Variants in CHMP4B observed in about 807,000 individuals in gnomAD.
CHMP4B encodes SNF7 homolog associated with Alix 1.
CHMP4B carries 1 observed loss-of-function variant against 25.1 expected under a neutral mutation model. The ratio of observed to expected loss-of-function variants is 0.04; its 90% CI spans 0.01 to 0.19. The LOEUF is 0.19. Ranked by LOEUF, CHMP4B falls within the 10% of genes least tolerant of loss-of-function variation. The pLI is 1.00. For missense variants in CHMP4B, 151 were observed against 289.7 expected, an observed-to-expected ratio of 0.52 and a Z score of 3.48; for synonymous variants, 101 against 115.6, an observed-to-expected ratio of 0.87 and a Z score of 0.81.
chr20:33,844,859 C>T (rs927294398), intron 1 of CHMP4B, among the ~76,000 whole-genome samples: 9 of 151,554 alleles, frequency 5.9e-5, no homozygotes, highest in African/African-American at 9.7e-5. Context: ...CCTGGGCTCA[C>T]GCCATTCTCC....
At chr20:33,827,878 C>G (rs576890695) in intron 1 of CHMP4B, among the ~76,000 whole-genome samples, 7 of 152,330 alleles carry the variant, frequency 4.6e-5, no homozygotes, top group African/African-American at 1.7e-4. Context: ...AAGGAACCAG[C>G]TGCTGAGGGC....
intron 1 of CHMP4B, among the ~76,000 whole-genome samples, chr20:33,818,774 G>C (rs1978852176): frequency 6.6e-6 from 1 of 152,210 alleles, no homozygotes; most frequent in Non-Finnish European, 1.5e-5. Flanking sequence ...GATCAAGGAA[G>C]ATTGTGTTTA....
intron 1 of CHMP4B, among the ~76,000 whole-genome samples, chr20:33,817,016 G>A (rs1374820823): frequency 6.6e-6 from 1 of 152,184 alleles, no homozygotes; most frequent in Non-Finnish European, 1.5e-5. Context: ...CATATGTGAA[G>A]ACACTGTAAT....
At chr20:33,828,138 C>A (rs1979143620) in intron 1 of CHMP4B, among the ~76,000 whole-genome samples, 1 of 152,180 alleles carries the variant, frequency 6.6e-6, no homozygotes, top group African/African-American at 2.4e-5. Flanking sequence ...AGCCCTCTCC[C>A]TTTTATTAAC....
intron 1 of CHMP4B, among the ~76,000 whole-genome samples, chr20:33,839,854 T>C (rs1049964807): frequency 7.2e-5 from 11 of 152,184 alleles, no homozygotes; most frequent in African/African-American, 2.2e-4. Context: ...GGTGATAAAC[T>C]CTTTGAGCCT....
chr20:33,841,710 C>A (rs1979546969), intron 1 of CHMP4B, among the ~76,000 whole-genome samples: 1 of 152,176 alleles, frequency 6.6e-6, no homozygotes, highest in Non-Finnish European at 1.5e-5. Flanking sequence ...CCGATTAGCA[C>A]CTCTTTCCCA....
At chr20:33,820,532 C>T (rs1978911043) in intron 1 of CHMP4B, among the ~76,000 whole-genome samples, 1 of 152,162 alleles carries the variant, frequency 6.6e-6, no homozygotes, top group South Asian at 2.1e-4. Flanking sequence ...CAGATGAAGA[C>T]AGGTCCTTGC....
At chr20:33,829,973 T>A (rs894471194) in intron 1 of CHMP4B, among the ~76,000 whole-genome samples, 1 of 152,166 alleles carries the variant, frequency 6.6e-6, no homozygotes, top group Non-Finnish European at 1.5e-5. Context: ...ATAAACGACT[T>A]GAGAGATCAT....
At chr20:33,851,149 G>C in intron 3 of CHMP4B, 83 bp downstream of exon 3, 1 of 896,304 alleles carries the variant, frequency 1.1e-6, no homozygotes, top group Non-Finnish European at 1.9e-6. Context: ...AGGCTCTCAG[G>C]CAGGGAGCAT....
chr20:33,838,718 C>T (rs546480096), intron 1 of CHMP4B, among the ~76,000 whole-genome samples: 6 of 152,248 alleles, frequency 3.9e-5, no homozygotes, highest in Admixed American at 3.9e-4. Context: ...CTATGGCCCT[C>T]ACTAACCAGG....
At chr20:33,816,515 G>A (rs556794603) in intron 1 of CHMP4B, among the ~76,000 whole-genome samples, 277 of 152,176 alleles carry the variant, frequency 1.8e-3, no homozygotes, top group Middle Eastern at 3.4e-3. Context: ...CCAAAGCTAG[G>A]TCTTTTTTGG....
chr20:33,818,364 C>G (rs1026582061), intron 1 of CHMP4B, among the ~76,000 whole-genome samples: 4 of 152,242 alleles, frequency 2.6e-5, no homozygotes, highest in Admixed American at 6.5e-5. Context: ...GTTGCAGGTT[C>G]ATCTCACCCA....
chr20:33,846,637 A>G (rs1288839332), intron 1 of CHMP4B, among the ~76,000 whole-genome samples: 1 of 152,234 alleles, frequency 6.6e-6, no homozygotes, highest in Non-Finnish European at 1.5e-5. Flanking sequence ...AATGGTCCTT[A>G]GGACGGAATC....
chr20:33,831,385 C>T (rs1044806714), intron 1 of CHMP4B, among the ~76,000 whole-genome samples: 5 of 151,524 alleles, frequency 3.3e-5, no homozygotes, highest in South Asian at 2.1e-4. Context: ...TGCACCCGGC[C>T]GTCCAGCTAA....
chr20:33,811,704 G>C (rs376422846), intron 1 of CHMP4B, 46 bp downstream of exon 1: 204 of 1,585,440 alleles, frequency 1.3e-4, no homozygotes, highest in Non-Finnish European at 1.5e-4. Flanking sequence ...CTCCCCCCAG[G>C]CTCCCCGGGC....
At chr20:33,825,494 A>G (rs572465875) in intron 1 of CHMP4B, among the ~76,000 whole-genome samples, 32 of 152,282 alleles carry the variant, frequency 2.1e-4, no homozygotes, top group African/African-American at 7.2e-4. Flanking sequence ...GACTTGAGAG[A>G]ACAGCAGGTC....
intron 1 of CHMP4B, 127 bp downstream of exon 1, chr20:33,811,785 TGCCGG>T: frequency 1.0e-6 from 1 of 979,672 alleles, no homozygotes; most frequent in Non-Finnish European, 1.6e-6. Context: ...TCAGACTTCT[TGCCGG>T]GTCTGGGACC....
chr20:33,847,885 T>C (rs1979730729), intron 1 of CHMP4B, among the ~76,000 whole-genome samples: 1 of 152,142 alleles, frequency 6.6e-6, no homozygotes, highest in Non-Finnish European at 1.5e-5. Context: ...ATTGTAACAA[T>C]TTACACAGTT....
At chr20:33,819,777 C>A (rs1978882855) in intron 1 of CHMP4B, among the ~76,000 whole-genome samples, 1 of 152,190 alleles carries the variant, frequency 6.6e-6, no homozygotes, top group Non-Finnish European at 1.5e-5. Flanking sequence ...TGTCTCTGAA[C>A]AACAGCTTCT....
Sources: gnomAD v4.1 joint callset for allele counts (sites outside exome capture counted in the v4.1 genomes callset) on GRCh38, gnomAD v4.1.1 for gene constraint, MANE v1.5 for transcripts, NCBI Gene and HGNC (gene_info 2026-07-23, HGNC 2026-07-21) for gene names.